PLXDC2: variants seen among roughly 807,000 people sequenced by gnomAD.
PLXDC2 encodes plexin domain containing 2.
A neutral mutation model predicts 68.9 loss-of-function variants in PLXDC2; 40 were observed. The observed-to-expected ratio is 0.58, with a 90% CI of 0.45 to 0.76. The LOEUF (loss-of-function observed/expected upper bound fraction) is 0.76, where lower values mean the gene tolerates loss of function less well. Among genes scored for constraint, PLXDC2 ranks in the 30% least tolerant of loss-of-function variants. PLXDC2 has a pLI of 0.00. For synonymous variants in PLXDC2, 243 were observed against 234.2 expected (o/e 1.04, Z -0.34); for missense variants, 644 against 661.9 (o/e 0.97, Z 0.30).
Position 20,120,697 on chromosome 10 carries a change from G to C in PLXDC2, c.542-22598G>C, listed in dbSNP as rs907027080. On this transcript the variant is annotated intron_variant, in intron 4 of 13. Coordinates refer to ENST00000377252, the MANE Select transcript of PLXDC2 (RefSeq NM_032812.9). Reference sequence around the variant, plus strand: ...AAGCTAATTTGCCAGTCCTGGGTGGGGGCAAATCCTCGAGCTTCATGTGTA... The same window carrying C: ...AAGCTAATTTGCCAGTCCTGGGTGGCGGCAAATCCTCGAGCTTCATGTGTA... 3.9e-5 allele frequency among the ~76,000 whole-genome samples: 6 copies of C among 152,204 alleles called. No homozygotes were observed. In the East Asian group the frequency reaches 1.2e-3, roughly 29 times the overall value.
At chr10:20,146,729 A>G (rs1023585848) in intron 5 of PLXDC2, among the ~76,000 whole-genome samples, 3 of 152,126 alleles carry the variant, frequency 2.0e-5, no homozygotes, top group Non-Finnish European at 2.9e-5. Context: ...AGGACTTACA[A>G]TTGGGTGTTC....
At chr10:20,274,684 T>C (rs926602207) in intron 13 of PLXDC2, among the ~76,000 whole-genome samples, 4 of 152,124 alleles carry the variant, frequency 2.6e-5, no homozygotes, top group Admixed American at 6.5e-5. Flanking sequence ...ACAGATCAAT[T>C]TGAGTTACTC....
At chr10:19,992,620 A>G (rs1589574495) in intron 1 of PLXDC2, among the ~76,000 whole-genome samples, 1 of 152,208 alleles carries the variant, frequency 6.6e-6, no homozygotes. Context: ...CCTACTAGAC[A>G]GTTAGTAGAA....
intron 13 of PLXDC2, among the ~76,000 whole-genome samples, chr10:20,259,229 G>C (rs1835781297): frequency 6.6e-6 from 1 of 151,822 alleles, no homozygotes; most frequent in Admixed American, 6.6e-5. Flanking sequence ...AATGAAAGGT[G>C]GGTATAATAG....
chr10:20,144,355 A>T (rs955870278), intron 5 of PLXDC2, among the ~76,000 whole-genome samples: 2 of 152,132 alleles, frequency 1.3e-5, no homozygotes, highest in Non-Finnish European at 2.9e-5. Context: ...AGCCTTGGAG[A>T]AATATGATCA....
intron 1 of PLXDC2, among the ~76,000 whole-genome samples, chr10:20,000,076 A>G (rs1271092553): frequency 6.6e-6 from 1 of 152,154 alleles, no homozygotes; most frequent in African/African-American, 2.4e-5. Flanking sequence ...ACTGTCAACA[A>G]TTCATTCGTC....
intron 1 of PLXDC2, among the ~76,000 whole-genome samples, chr10:19,967,843 T>C (rs560950696): frequency 3.2e-4 from 49 of 152,322 alleles, no homozygotes; most frequent in African/African-American, 1.1e-3. Context: ...AAATCAAAGA[T>C]GCATCCTAAT....
At chr10:20,227,980 G>C (rs573538764) in intron 12 of PLXDC2, among the ~76,000 whole-genome samples, 1 of 152,134 alleles carries the variant, frequency 6.6e-6, no homozygotes, top group Non-Finnish European at 1.5e-5. Context: ...TGTGATTTAC[G>C]TCATAGGAAA....
At chr10:20,031,185 TAGTG>T (rs1167261643) in intron 2 of PLXDC2, among the ~76,000 whole-genome samples, 1 of 151,952 alleles carries the variant, frequency 6.6e-6, no homozygotes, top group African/African-American at 2.4e-5. Context: ...CTGGGCAACA[TAGTG>T]AGGCCCTGTT....
intron 1 of PLXDC2, among the ~76,000 whole-genome samples, chr10:20,000,288 T>C (rs888554600): frequency 6.6e-6 from 1 of 152,144 alleles, no homozygotes; most frequent in African/African-American, 2.4e-5. Flanking sequence ...TTGTTTTGTT[T>C]TGTTTTTTTA....
chr10:19,816,903 C>G lies in PLXDC2; in HGVS notation c.-177C>G. On this transcript the variant is annotated 5_prime_UTR_variant, in exon 1 of 14. Coordinates refer to ENST00000377252, the MANE Select transcript of PLXDC2 (RefSeq NM_032812.9). ...CCGAAGAGCGCTGCGCTCCTACTCG[C>G]GTTCGCTTCTTCCTCTTCTCGGTTC... 5.0e-6 allele frequency: 3 copies of G among 601,856 alleles called. No individual in the cohort carries two copies. The highest frequency in any genetic ancestry group is 8.8e-6 in the Non-Finnish European group (3 of 338,996). The allele number at this position is 601,856 out of a possible 1,614,324, so 37.3% of individuals were successfully genotyped here.
intron 4 of PLXDC2, among the ~76,000 whole-genome samples, chr10:20,137,035 G>C (rs1446178863): frequency 6.6e-6 from 1 of 152,130 alleles, no homozygotes; most frequent in African/African-American, 2.4e-5. Flanking sequence ...TCAGGTTTTT[G>C]TTATCTATTA....
intron 1 of PLXDC2, among the ~76,000 whole-genome samples, chr10:19,856,049 C>G (rs57585811): frequency 0.044 from 6,700 of 152,094 alleles, 512 homozygotes; most frequent in African/African-American, 0.15. Context: ...GAGCCAAGAT[C>G]GTGCCACTGC....
At chr10:20,230,637 A>G (rs911294501) in intron 12 of PLXDC2, among the ~76,000 whole-genome samples, 13 of 135,142 alleles carry the variant, frequency 9.6e-5, no homozygotes, top group African/African-American at 3.7e-4. Context: ...ACACCAGTTC[A>G]CACCATGGTG....
At chr10:20,271,767 T>C (rs73605623) in intron 13 of PLXDC2, among the ~76,000 whole-genome samples, 2,509 of 152,200 alleles carry the variant, frequency 0.016, 64 homozygotes, top group African/African-American at 0.054. Flanking sequence ...TTAGATGTGA[T>C]CTTCCACCAT....
chr10:20,143,154 G>T, intron 4 of PLXDC2, 141 bp from the exon 5 acceptor site: 1 of 851,974 alleles, frequency 1.2e-6, no homozygotes, highest in Non-Finnish European at 1.7e-6. Flanking sequence ...TAGATACTAA[G>T]ATATTAAATA....
intron 2 of PLXDC2, among the ~76,000 whole-genome samples, chr10:20,029,501 C>A (rs968552438): frequency 6.6e-6 from 1 of 152,008 alleles, no homozygotes; most frequent in Non-Finnish European, 1.5e-5. Context: ...GGGGTCTTTC[C>A]AGCTAGTTCT....
At chr10:20,119,559 G>T (rs1265356202) in intron 4 of PLXDC2, among the ~76,000 whole-genome samples, 1 of 145,960 alleles carries the variant, frequency 6.9e-6, no homozygotes, top group Non-Finnish European at 1.5e-5. Context: ...GTACGTGCAG[G>T]TCACAGGGAA....
chr10:20,051,411 T>C (rs1323650796), intron 3 of PLXDC2, among the ~76,000 whole-genome samples: 2 of 10,784 alleles, frequency 1.9e-4, no homozygotes, highest in Non-Finnish European at 3.2e-4. Flanking sequence ...TATATATATA[T>C]ATATATATAT....
Sources: allele counts gnomAD v4.1 joint callset (sites outside exome capture counted in the v4.1 genomes callset), GRCh38; gene constraint gnomAD v4.1.1; transcripts MANE v1.5; gene names NCBI Gene and HGNC (gene_info 2026-07-23, HGNC 2026-07-21).